Variants in ARID4B observed in about 807,000 individuals in gnomAD.
ARID4B encodes AT-rich interactive domain-containing protein 4B.
A neutral mutation model predicts 147.5 loss-of-function variants in ARID4B; 26 were observed. That is an observed-to-expected ratio of 0.18 (90% CI 0.13 to 0.24). The LOEUF is 0.24. Ranked by LOEUF, ARID4B falls within the 10% of genes least tolerant of loss-of-function variation. ARID4B has a pLI of 1.00. For synonymous variants in ARID4B, 512 were observed against 507.9 expected, an observed-to-expected ratio of 1.01 and a Z score of -0.11; for missense variants, 1,179 against 1,511.5, an observed-to-expected ratio of 0.78 and a Z score of 3.65.
chr1:235,208,265 C>T (rs958202094), intron 17 of ARID4B, among the ~76,000 whole-genome samples: 1 of 152,134 alleles, frequency 6.6e-6, no homozygotes, highest in African/African-American at 2.4e-5. Flanking sequence ...AATGTGTACC[C>T]TTACTTTCAA....
chr1:235,216,149 T>C (rs745310299), intron 16 of ARID4B, among the ~76,000 whole-genome samples: 2 of 152,058 alleles, frequency 1.3e-5, no homozygotes, highest in Admixed American at 6.6e-5. Flanking sequence ...CACGAAAGTA[T>C]CAAATATATC....
At chr1:235,309,674 A>G (rs1673905865) in intron 2 of ARID4B, among the ~76,000 whole-genome samples, 1 of 147,792 alleles carries the variant, frequency 6.8e-6, no homozygotes. Flanking sequence ...TGGGAGGTGT[A>G]CCCAACAGCT....
At chr1:235,198,024 A>G (rs1032986498) in intron 17 of ARID4B, among the ~76,000 whole-genome samples, 16 of 152,222 alleles carry the variant, frequency 1.1e-4, no homozygotes, top group Non-Finnish European at 2.1e-4. Flanking sequence ...AACTCCTAGA[A>G]GTTGCTCTAT....
chr1:235,197,974 C>T (rs1036796347), intron 17 of ARID4B, among the ~76,000 whole-genome samples: 2 of 151,988 alleles, frequency 1.3e-5, no homozygotes, highest in Non-Finnish European at 2.9e-5. Context: ...TGGTGGGAAA[C>T]GAAAAGAAAA....
At chr1:235,203,751 G>A (rs189854109) in intron 17 of ARID4B, among the ~76,000 whole-genome samples, 36 of 151,796 alleles carry the variant, frequency 2.4e-4, no homozygotes, top group African/African-American at 8.5e-4. Context: ...GTATGGAAAG[G>A]GATTTCCCCA....
chr1:235,236,833 A>AATACATATAT (rs1553299957), intron 8 of ARID4B, among the ~76,000 whole-genome samples: 37 of 33,514 alleles, frequency 1.1e-3, no homozygotes, highest in African/African-American at 3.1e-3. Flanking sequence ...TTTTATAAAA[A>AATACATATAT]ATATATATAT....
chr1:235,236,849 T>A lies in ARID4B; in HGVS notation c.586-2357A>T, dbSNP rs1355984571. Among the ~76,000 whole-genome samples the A allele has an allele frequency of 6.3e-4, 25 of 39,538 alleles. 3 individuals carry two copies. The East Asian group carries it at 0.026, about 40-fold the overall frequency. The allele number at this position is 39,538 out of a possible 152,430, so 25.9% of individuals were successfully genotyped here. ...TTTATAAAAAATATATATATATATA[T>A]ATATATATATATATTTTTTTTTTTT... On this transcript the variant is annotated intron_variant, in intron 8 of 23. Coordinates refer to ENST00000264183, the MANE Select transcript of ARID4B (RefSeq NM_016374.6).
intron 2 of ARID4B, among the ~76,000 whole-genome samples, chr1:235,262,316 T>C (rs912674340): frequency 6.6e-6 from 1 of 152,202 alleles, no homozygotes; most frequent in Non-Finnish European, 1.5e-5. Context: ...GGCCACCTGC[T>C]TCACATTCCA....
intron 2 of ARID4B, among the ~76,000 whole-genome samples, chr1:235,277,624 G>A (rs1488260559): frequency 3.0e-5 from 4 of 133,646 alleles, no homozygotes; most frequent in Non-Finnish European, 6.4e-5. Flanking sequence ...GTGTGTGTGT[G>A]TGTGTGTGTG....
At position 235,167,098 on chromosome 1, in the gene ARID4B, ATTAG is replaced by A. The variant is rs2102880300; in HGVS notation, c.*1423_*1426del. 1 of 189,446 alleles carries A rather than the reference ATTAG, an allele frequency of 5.3e-6. No individual in the cohort carries two copies. Among genetic ancestry groups the A allele is most frequent in the Non-Finnish European group, 1.1e-5 (1 of 89,816 alleles). 11.7% of individuals were successfully genotyped at this position (189,446 alleles called of 1,614,324 possible). A position where few individuals can be genotyped will look rare whatever the true frequency, so the allele number is the denominator to read the frequency against. On this transcript the variant is annotated 3_prime_UTR_variant, in exon 24 of 24. Coordinates refer to ENST00000264183, the MANE Select transcript of ARID4B (RefSeq NM_016374.6). ...ATAACTTGAAACCATTTTCAACAAA[ATTAG>A]TTACTGTAAGCACACACTACAAGAC...
At chr1:235,199,109 A>AC (rs1423693496) in intron 17 of ARID4B, among the ~76,000 whole-genome samples, 3 of 152,186 alleles carry the variant, frequency 2.0e-5, no homozygotes, top group Non-Finnish European at 4.4e-5. Flanking sequence ...AAAAAACAAA[A>AC]CAAAAAAAAT....
chr1:235,313,220 A>G lies in ARID4B; in HGVS notation c.6+13694T>C, dbSNP rs533948298. Among the ~76,000 whole-genome samples, 12 of 152,120 alleles carry G rather than the reference A, an allele frequency of 7.9e-5. No homozygotes were observed. In the East Asian group the frequency reaches 2.3e-3, roughly 29 times the overall value. On this transcript the variant is annotated intron_variant, in intron 2 of 23. Transcript: ENST00000264183. ...AATTTTTATATTTTCAGTAGAGACA[A>G]GGTTTCACCATGTTGGCCAGGCTGG...
chr1:235,291,161 C>T (rs1328664069), intron 2 of ARID4B, among the ~76,000 whole-genome samples: 6 of 151,988 alleles, frequency 3.9e-5, no homozygotes, highest in Non-Finnish European at 8.8e-5. Flanking sequence ...CTTTGGGATG[C>T]GGAGGTGGGC....
chr1:235,200,261 C>G (rs1665806282), intron 17 of ARID4B, among the ~76,000 whole-genome samples: 1 of 152,150 alleles, frequency 6.6e-6, no homozygotes, highest in Non-Finnish European at 1.5e-5. Context: ...GAGTTCGAGA[C>G]CAGCCTGGCC....
At chr1:235,210,544 AGACT>A (rs1183492831) in intron 17 of ARID4B, among the ~76,000 whole-genome samples, 1 of 148,346 alleles carries the variant, frequency 6.7e-6, no homozygotes, top group Admixed American at 6.7e-5. Context: ...TCAATAAGAC[AGACT>A]GATTATTGCA....
At chr1:235,171,757 G>A (rs913515266) in intron 23 of ARID4B, among the ~76,000 whole-genome samples, 4 of 151,516 alleles carry the variant, frequency 2.6e-5, no homozygotes, top group Admixed American at 6.6e-5. Flanking sequence ...CTCCTGCGTC[G>A]GCCTCCCAAG....
chr1:235,168,904 A>T (rs1224238568), intron 23 of ARID4B, among the ~76,000 whole-genome samples: 1 of 152,216 alleles, frequency 6.6e-6, no homozygotes, highest in Non-Finnish European at 1.5e-5. Flanking sequence ...CGTGGGTCAA[A>T]GAGGGAAAGA....
At chr1:235,235,553 T>C (rs1423986333) in intron 8 of ARID4B, among the ~76,000 whole-genome samples, 1 of 152,228 alleles carries the variant, frequency 6.6e-6, no homozygotes, top group Non-Finnish European at 1.5e-5. Context: ...ATATGCATTT[T>C]ATCCCATTCA....
chr1:235,246,642 AG>A (rs1226506884), intron 6 of ARID4B, 131 bp from the exon 7 acceptor site: 2 of 603,914 alleles, frequency 3.3e-6, no homozygotes, highest in Non-Finnish European at 5.9e-6. Context: ...GCTAAAACAC[AG>A]CTTTCCTAAA....
Sources: allele counts gnomAD v4.1 joint callset (sites outside exome capture counted in the v4.1 genomes callset), GRCh38; gene constraint gnomAD v4.1.1; transcripts MANE v1.5; gene names NCBI Gene and HGNC (gene_info 2026-07-23, HGNC 2026-07-21).